The following HPSE2 variants were observed in gnomAD, a reference collection of about 807,000 sequenced individuals.
HPSE2 encodes the protein heparanase 2 (inactive), also known as inactive heparanase-2.
Under a neutral mutation model 60.5 loss-of-function variants are expected in HPSE2, and 38 were observed. That is an observed-to-expected ratio of 0.63 (90% CI 0.48 to 0.82). HPSE2 has a LOEUF of 0.82. Among genes scored for constraint, HPSE2 ranks in the 40% least tolerant of loss-of-function variants. HPSE2 has a pLI of 0.00. For missense variants in HPSE2, 713 were observed against 740.4 expected (o/e 0.96, Z 0.43); for synonymous variants, 295 against 293.2 (o/e 1.01, Z -0.06).
At chr10:98,986,199 GCACCA>G (rs1339949083) in intron 3 of HPSE2, among the ~76,000 whole-genome samples, 1 of 152,174 alleles carries the variant, frequency 6.6e-6, no homozygotes, top group Non-Finnish European at 1.5e-5. Flanking sequence ...ATTCTTTTCA[GCACCA>G]CACCACACCT....
At chr10:98,478,036 A>G (rs1941092045) in intron 11 of HPSE2, among the ~76,000 whole-genome samples, 1 of 152,170 alleles carries the variant, frequency 6.6e-6, no homozygotes, top group Non-Finnish European at 1.5e-5. Context: ...CTTCCATGAA[A>G]CCAGTCCCTG....
chr10:99,059,658 A>G (rs993076538), intron 3 of HPSE2, among the ~76,000 whole-genome samples: 3 of 152,160 alleles, frequency 2.0e-5, no homozygotes, highest in African/African-American at 7.2e-5. Flanking sequence ...TTTTCTGGGA[A>G]CGACAAATGC....
the HPSE2 span, among the ~76,000 whole-genome samples, chr10:99,309,079 A>G: frequency 0.044 from 6,728 of 152,262 alleles, 214 homozygotes; most frequent in Non-Finnish European, 0.067. Context: ...CCAGATACAA[A>G]AGACCACACA....
At chr10:99,026,023 C>T (rs1957369847) in intron 3 of HPSE2, among the ~76,000 whole-genome samples, 6 of 151,822 alleles carry the variant, frequency 4.0e-5, no homozygotes, top group Admixed American at 3.3e-4. Flanking sequence ...GAGAAAATTG[C>T]CTTCACTAGA....
intron 2 of HPSE2, among the ~76,000 whole-genome samples, chr10:99,197,975 G>A (rs1233694748): frequency 6.6e-6 from 1 of 151,846 alleles, no homozygotes; most frequent in Non-Finnish European, 1.5e-5. Context: ...GGAGGCTGAG[G>A]CAAGAGAATT....
intron 9 of HPSE2, among the ~76,000 whole-genome samples, chr10:98,539,288 G>A (rs1943384748): frequency 6.6e-6 from 1 of 152,216 alleles, no homozygotes. Context: ...TTGGGAGGCT[G>A]AGGCGGGTGG....
chr10:99,019,584 G>A (rs1426744416), intron 3 of HPSE2, among the ~76,000 whole-genome samples: 1 of 152,108 alleles, frequency 6.6e-6, no homozygotes, highest in African/African-American at 2.4e-5. Context: ...ATACACTCTT[G>A]TAGAGTCAAA....
intron 9 of HPSE2, among the ~76,000 whole-genome samples, chr10:98,529,924 A>G (rs369911953): frequency 6.6e-6 from 1 of 152,162 alleles, no homozygotes. Context: ...TTACACATTT[A>G]TATCTTCAGC....
intron 3 of HPSE2, among the ~76,000 whole-genome samples, chr10:98,858,012 A>C (rs1952359456): frequency 6.6e-6 from 1 of 152,220 alleles, no homozygotes; most frequent in Non-Finnish European, 1.5e-5. Context: ...AATAATATTC[A>C]TGGCTATCAA....
chr10:99,244,114 C>A, the HPSE2 span, among the ~76,000 whole-genome samples: 1 of 151,754 alleles, frequency 6.6e-6, no homozygotes, highest in Non-Finnish European at 1.5e-5. Context: ...GTGGTGCTAT[C>A]TCGGCTCATT....
At chr10:99,264,713 T>A in the HPSE2 span, among the ~76,000 whole-genome samples, 2 of 152,306 alleles carry the variant, frequency 1.3e-5, no homozygotes, top group East Asian at 3.9e-4. Flanking sequence ...TTGGACCTTG[T>A]GTCTTCCGTT....
the HPSE2 span, among the ~76,000 whole-genome samples, chr10:99,309,053 G>T: frequency 2.0e-5 from 3 of 152,110 alleles, no homozygotes; most frequent in Admixed American, 6.5e-5. Flanking sequence ...ACAAGAAAAG[G>T]GTTAAGTGAA....
intron 3 of HPSE2, among the ~76,000 whole-genome samples, chr10:99,114,939 A>G (rs1041689652): frequency 4.6e-5 from 7 of 151,038 alleles, no homozygotes; most frequent in African/African-American, 7.3e-5. Flanking sequence ...GAAGAAGAAC[A>G]TGACCACTTT....
At chr10:99,301,610 C>T in the HPSE2 span, among the ~76,000 whole-genome samples, 1 of 152,174 alleles carries the variant, frequency 6.6e-6, no homozygotes, top group Non-Finnish European at 1.5e-5. Context: ...TGAAAATGGA[C>T]TAACACAGCA....
chr10:99,099,744 G>A (rs1172642153), intron 3 of HPSE2, among the ~76,000 whole-genome samples: 1 of 152,174 alleles, frequency 6.6e-6, no homozygotes, highest in Non-Finnish European at 1.5e-5. Context: ...GCACCCCCTA[G>A]TAGGGGCAGA....
intron 9 of HPSE2, among the ~76,000 whole-genome samples, chr10:98,548,105 T>A (rs938438285): frequency 6.6e-6 from 1 of 152,154 alleles, no homozygotes; most frequent in African/African-American, 2.4e-5. Flanking sequence ...AAAATGCCCA[T>A]AAATAACTAT....
chr10:99,261,973 G>A, the HPSE2 span, among the ~76,000 whole-genome samples: 17 of 152,244 alleles, frequency 1.1e-4, no homozygotes, highest in African/African-American at 1.9e-4. Flanking sequence ...TGTCCAACTC[G>A]CCTGGCAGCC....
chr10:98,821,158 G>A (rs1188887065), intron 3 of HPSE2, among the ~76,000 whole-genome samples: 3 of 152,156 alleles, frequency 2.0e-5, no homozygotes, highest in African/African-American at 7.2e-5. Context: ...TATTGTGCTA[G>A]ATATACTATA....
At chr10:98,713,514 C>T (rs759168380) in intron 5 of HPSE2, among the ~76,000 whole-genome samples, 1 of 151,616 alleles carries the variant, frequency 6.6e-6, no homozygotes, top group African/African-American at 2.4e-5. Context: ...CAATGTGATC[C>T]AAACATGTTA....
Sources: allele counts gnomAD v4.1 joint callset (sites outside exome capture counted in the v4.1 genomes callset), GRCh38; gene constraint gnomAD v4.1.1; transcripts MANE v1.5; gene names NCBI Gene and HGNC (gene_info 2026-07-23, HGNC 2026-07-21).